DNAH14: variants seen among roughly 807,000 people sequenced by gnomAD.
DNAH14 encodes axonemal beta dynein heavy chain 14.
A neutral mutation model predicts 520.9 loss-of-function variants in DNAH14; 478 were observed. The observed-to-expected ratio is 0.92, with a 90% CI of 0.85 to 0.99. DNAH14 has a LOEUF of 0.99. Ranked by LOEUF, DNAH14 falls within the 50% of genes least tolerant of loss-of-function variation. The pLI, the probability that DNAH14 is intolerant of heterozygous loss-of-function variation, is 0.00. For missense variants in DNAH14, 4,831 were observed against 5,234.5 expected (o/e 0.92, Z 2.38); for synonymous variants, 1,581 against 1,757.2 (o/e 0.90, Z 2.51).
chr1:225,043,638 A>T, intron 13 of DNAH14, 106 bp from the exon 14 acceptor site: 1 of 827,648 alleles, frequency 1.2e-6, no homozygotes, highest in Non-Finnish European at 1.9e-6. Context: ...TCTTGAGTTT[A>T]TTCTTAGGAT....
chr1:225,276,992 A>AG (rs1558241949), intron 53 of DNAH14, among the ~76,000 whole-genome samples: 73 of 55,226 alleles, frequency 1.3e-3, no homozygotes, highest in African/African-American at 8.0e-3. Flanking sequence ...GAAGGGAGGG[A>AG]GGAAGGAAGG....
At chr1:224,943,754 C>G (rs1315857694) in intron 1 of DNAH14, among the ~76,000 whole-genome samples, 2 of 151,968 alleles carry the variant, frequency 1.3e-5, no homozygotes, top group Non-Finnish European at 2.9e-5. Context: ...CATTATGTAC[C>G]CAGTAGTCAT....
chr1:225,241,484 T>A (rs1217297290), intron 43 of DNAH14, among the ~76,000 whole-genome samples: 1 of 152,194 alleles, frequency 6.6e-6, no homozygotes, highest in African/African-American at 2.4e-5. Context: ...GAGGTTACAG[T>A]CATACATTGC....
rs553701582 is a variant in DNAH14 at position 225,284,102 on chromosome 1, A to G, written c.8272-5783A>G. The stretch of plus-strand genomic sequence containing the variant: ...AACCTTCCACCTTAGGAAAATACCA[A>G]AAGGAAAGAAAACCAAACCCAAAGC... On this transcript the variant is annotated intron_variant, in intron 54 of 85. Transcript: ENST00000682510. Among the ~76,000 whole-genome samples the G allele has an allele frequency of 1.2e-4, 18 of 152,220 alleles. No individual in the cohort carries two copies. The South Asian group carries it at 2.7e-3, about 23-fold the overall frequency.
intron 66 of DNAH14, among the ~76,000 whole-genome samples, chr1:225,335,521 A>C (rs1342230831): frequency 5.0e-5 from 6 of 119,812 alleles, no homozygotes; most frequent in African/African-American, 1.1e-4. Flanking sequence ...ACATATGTAC[A>C]TATATACATA....
intron 29 of DNAH14, among the ~76,000 whole-genome samples, chr1:225,144,893 T>C (rs1051932048): frequency 5.4e-5 from 8 of 148,988 alleles, no homozygotes; most frequent in African/African-American, 1.7e-4. Context: ...ATTAATATCA[T>C]TGTGTGTGTG....
At chr1:225,317,750 T>C (rs1230439498) in intron 60 of DNAH14, among the ~76,000 whole-genome samples, 1 of 152,178 alleles carries the variant, frequency 6.6e-6, no homozygotes, top group Non-Finnish European at 1.5e-5. Context: ...ATACATCTAA[T>C]AAGTGGAAAT....
At chr1:225,199,813 AG>A (rs1258393064) in intron 38 of DNAH14, among the ~76,000 whole-genome samples, 2 of 152,162 alleles carry the variant, frequency 1.3e-5, no homozygotes, top group Non-Finnish European at 2.9e-5. Context: ...TATATTCTGC[AG>A]TTGTTGAGTA....
chr1:225,266,826 A>T, intron 49 of DNAH14, 57 bp downstream of exon 49: 5 of 1,406,492 alleles, frequency 3.6e-6, no homozygotes, highest in Non-Finnish European at 4.7e-6. Flanking sequence ...CACTAAATTA[A>T]ATGTTTATAA....
intron 12 of DNAH14, among the ~76,000 whole-genome samples, chr1:225,039,997 G>A (rs1460181399): frequency 6.8e-6 from 1 of 146,750 alleles, no homozygotes; most frequent in Non-Finnish European, 1.5e-5. Flanking sequence ...GAGTGCTGTG[G>A]TGTGATCTCG....
At chr1:224,943,594 C>T (rs898916304) in intron 1 of DNAH14, among the ~76,000 whole-genome samples, 11 of 152,068 alleles carry the variant, frequency 7.2e-5, no homozygotes, top group African/African-American at 2.7e-4. Context: ...GTTAGGGCGT[C>T]AATTTTAGAT....
At chr1:225,046,308 C>T (rs1234966142) in intron 15 of DNAH14, among the ~76,000 whole-genome samples, 1 of 151,980 alleles carries the variant, frequency 6.6e-6, no homozygotes, top group Non-Finnish European at 1.5e-5. Flanking sequence ...ATATCATAGA[C>T]ATTACAAAGG....
intron 23 of DNAH14, among the ~76,000 whole-genome samples, chr1:225,103,802 G>C (rs367615739): frequency 1.3e-5 from 2 of 152,210 alleles, no homozygotes; most frequent in African/African-American, 4.8e-5. Flanking sequence ...TGAGACGATG[G>C]GGTTTTCTAG....
intron 36 of DNAH14, among the ~76,000 whole-genome samples, chr1:225,178,426 T>A (rs2083574091): frequency 6.6e-6 from 1 of 152,096 alleles, no homozygotes; most frequent in Non-Finnish European, 1.5e-5. Flanking sequence ...TAATTCACTA[T>A]CACAGGAATA....
chr1:224,935,484 G>T (rs2058971597), intron 1 of DNAH14, among the ~76,000 whole-genome samples: 1 of 151,802 alleles, frequency 6.6e-6, no homozygotes, highest in African/African-American at 2.4e-5. Context: ...AAAAGACAAG[G>T]TCGTTATATA....
At chr1:225,177,121 C>T (rs967822496) in intron 36 of DNAH14, among the ~76,000 whole-genome samples, 13 of 152,092 alleles carry the variant, frequency 8.5e-5, no homozygotes, top group Non-Finnish European at 1.9e-4. Flanking sequence ...TATTTTCAAA[C>T]AGAGATGAGG....
chr1:225,032,085 A>T (rs1417017461), intron 11 of DNAH14, among the ~76,000 whole-genome samples: 1 of 151,642 alleles, frequency 6.6e-6, no homozygotes, highest in Non-Finnish European at 1.5e-5. Flanking sequence ...ATTTTTTTTT[A>T]ATTTTTATTT....
chr1:225,324,725 A>G lies in DNAH14; in HGVS notation c.9628-12A>G. 6.5e-7 allele frequency: 1 copy of G among 1,547,562 alleles called. No homozygotes were observed. Among genetic ancestry groups the G allele is most frequent in the Non-Finnish European group, 8.7e-7 (1 of 1,145,104 alleles). ...GTTTTTGACACTTAAATGTTCTGAC[A>G]TTCTCTTTAAGGTTGTGGGCCCTAA... is the stretch of plus-strand genomic sequence containing the variant. On this transcript the variant is annotated splice_polypyrimidine_tract_variant and intron_variant, in intron 63 of 85. Coordinates refer to ENST00000682510, the MANE Select transcript of DNAH14 (RefSeq NM_001367479.1).
chr1:225,143,082 A>G (rs747256067), intron 28 of DNAH14, among the ~76,000 whole-genome samples: 63 of 152,254 alleles, frequency 4.1e-4, no homozygotes, highest in Admixed American at 1.6e-3. Flanking sequence ...AAAAGAAACT[A>G]TTAGATATTC....
Sources: allele counts gnomAD v4.1 joint callset (sites outside exome capture counted in the v4.1 genomes callset), GRCh38; gene constraint gnomAD v4.1.1; transcripts MANE v1.5; gene names NCBI Gene and HGNC (gene_info 2026-07-23, HGNC 2026-07-21).